The following H2BC5 variants were observed in gnomAD, a reference collection of about 807,000 sequenced individuals.
H2BC5 encodes H2B clustered histone 5, also known as histone H2B type 1-D.
In H2BC5, 9 loss-of-function variants were observed where a neutral mutation model predicts 5.7. The observed-to-expected ratio is 1.57, with a 90% CI of 0.95 to 2.74. H2BC5 has a LOEUF of 2.74. H2BC5 is among the 30% of genes most tolerant of loss of function. H2BC5 has a pLI of 0.00. For synonymous variants in H2BC5, 133 were observed against 70.9 expected, an observed-to-expected ratio of 1.88 and a Z score of -4.40; for missense variants, 175 against 168.8, an observed-to-expected ratio of 1.04 and a Z score of -0.20.
downstream of H2BC5, among the ~76,000 whole-genome samples, chr6:26,159,771 A>T (rs1764322816): frequency 6.6e-6 from 1 of 152,202 alleles, no homozygotes; most frequent in Non-Finnish European, 1.5e-5. Flanking sequence ...ATGATGGATT[A>T]TGGGATACAT....
downstream of H2BC5, among the ~76,000 whole-genome samples, chr6:26,159,428 C>T (rs989463983): frequency 1.3e-5 from 2 of 151,790 alleles, no homozygotes; most frequent in Admixed American, 6.6e-5. Flanking sequence ...GTACGGAGGA[C>T]TGGAGGAGGT....
chr6:26,158,917 C>A (rs373806592), downstream of H2BC5, among the ~76,000 whole-genome samples: 109 of 152,300 alleles, frequency 7.2e-4, no homozygotes, highest in African/African-American at 2.5e-3. Context: ...CCGCCCTGAG[C>A]ACGAAAGTGC....
chr6:26,158,229 T>G lies in H2BC5; in HGVS notation c.60T>G (p.Thr20=). 1 of 1,614,234 alleles carries G rather than the reference T, an allele frequency of 6.2e-7. No homozygotes were observed. Among genetic ancestry groups the G allele is most frequent in the Non-Finnish European group, 8.5e-7 (1 of 1,180,042 alleles). Reference sequence around the variant, plus strand: ...AGAAGGGCTCCAAGAAGGCGGTGACTAAGGCTCAGAAGAAGGACGGGAAGA... The same window carrying G: ...AGAAGGGCTCCAAGAAGGCGGTGACGAAGGCTCAGAAGAAGGACGGGAAGA... ...APKKGSKKAV[T]KAQKKDGKKR... Residue 20 remains threonine, a synonymous_variant, in exon 1 of 1, where the codon ACT becomes ACG. Coordinates refer to ENST00000377777, the MANE Select transcript of H2BC5 (RefSeq NM_021063.4).
intron 1 of H2BC5, among the ~76,000 whole-genome samples, chr6:26,166,205 G>A (rs1046214206): frequency 2.6e-5 from 4 of 152,204 alleles, no homozygotes; most frequent in African/African-American, 9.7e-5. Flanking sequence ...AGTCTTGCCT[G>A]TTACCTTGGC....
intron 1 of H2BC5, among the ~76,000 whole-genome samples, chr6:26,165,499 G>A (rs1293543516): frequency 2.0e-5 from 3 of 152,014 alleles, no homozygotes; most frequent in African/African-American, 4.8e-5. Context: ...CTGCCGTGAC[G>A]TCCTGCATCC....
intron 1 of H2BC5, among the ~76,000 whole-genome samples, chr6:26,169,842 C>G (rs1764491293): frequency 6.6e-6 from 1 of 151,578 alleles, no homozygotes; most frequent in African/African-American, 2.4e-5. Flanking sequence ...ACCTGTAGTC[C>G]TTGAGCCAAG....
chr6:26,158,176 G>C lies in H2BC5; in HGVS notation c.7G>C (p.Glu3Gln). Reference sequence around the variant, plus strand: ...TCTAACTATTAACGCTACGATGCCTGAACCTACCAAGTCTGCTCCTGCCCC... The same window carrying C: ...TCTAACTATTAACGCTACGATGCCTCAACCTACCAAGTCTGCTCCTGCCCC... MP[E>Q]PTKSAPAPKK... The change falls in exon 1 of 1, where the codon GAA becomes CAA. Residue 3 changes from glutamate to glutamine, a missense_variant. Coordinates refer to ENST00000377777, the MANE Select transcript of H2BC5 (RefSeq NM_021063.4). 1 of 1,613,760 alleles carries C rather than the reference G, an allele frequency of 6.2e-7. No individual in the cohort carries two copies. The highest frequency in any genetic ancestry group is 2.2e-5 in the East Asian group (1 of 44,884).
Position 26,158,156 on chromosome 6 carries a change from C to G in H2BC5, c.-14C>G, listed in dbSNP as rs368440522. 1.7e-4 allele frequency: 281 copies of G among 1,610,344 alleles called. No individual in the cohort carries two copies. The highest frequency in any genetic ancestry group is 2.3e-4 in the Non-Finnish European group (275 of 1,178,584). On this transcript the variant is annotated 5_prime_UTR_variant, in exon 1 of 1. Transcript: ENST00000377777. The stretch of plus-strand genomic sequence containing the variant: ...TCAGGTGTTTGCAACAGTGTTCTAA[C>G]TATTAACGCTACGATGCCTGAACCT...
chr6:26,167,439 C>G (rs887921695), intron 1 of H2BC5, among the ~76,000 whole-genome samples: 1 of 152,230 alleles, frequency 6.6e-6, no homozygotes, highest in East Asian at 1.9e-4. Context: ...AGCCCTCCCC[C>G]AGCCTAGACC....
chr6:26,158,761 T>C, downstream of H2BC5: 1 of 777,846 alleles, frequency 1.3e-6, no homozygotes, highest in Non-Finnish European at 2.0e-6. Context: ...TTGAGTGCTA[T>C]GGGTACGTAT....
At chr6:26,162,142 A>G (rs1764363481), downstream of H2BC5, among the ~76,000 whole-genome samples, 1 of 152,264 alleles carries the variant, frequency 6.6e-6, no homozygotes, top group African/African-American at 2.4e-5. Flanking sequence ...ACATATTGAC[A>G]TATGACCTCA....
rs1025896414 is a variant in H2BC5, at chr6:26,170,057, G to A, written c.*10-918G>A. 1.6e-4 allele frequency among the ~76,000 whole-genome samples: 24 copies of A among 152,290 alleles called. No individual in the cohort carries two copies. In the East Asian group the frequency reaches 4.6e-3, roughly 29 times the overall value. ...GTCATATACTTGGTGTCTCAGTTGT[G>A]TGTAATACCTGTCAAATAATAACTG... On this transcript the variant is annotated intron_variant, in intron 1 of 1. Coordinates refer to the H2BC5 transcript ENST00000289316.
intron 1 of H2BC5, chr6:26,164,099 T>C: frequency 2.2e-6 from 1 of 452,804 alleles, no homozygotes; most frequent in East Asian, 5.8e-5. Flanking sequence ...CCTCAGCAAA[T>C]TCCAAAGTCT....
exon 2 of H2BC5, chr6:26,171,163 G>A (rs1298872676): frequency 2.0e-5 from 3 of 152,170 alleles, no homozygotes; most frequent in African/African-American, 7.2e-5. Context: ...AACTAAAGGT[G>A]TTTGCACTTC....
chr6:26,161,787 T>G (rs544795665), downstream of H2BC5, among the ~76,000 whole-genome samples: 1 of 151,916 alleles, frequency 6.6e-6, no homozygotes, highest in Admixed American at 6.6e-5. Context: ...AATAAATAAA[T>G]AAATGAAAAG....
rs140184909 is a variant in H2BC5 at position 26,158,184 on chromosome 6, C to G, written c.15C>G (p.Thr5=). 4 of 1,613,974 alleles carry G rather than the reference C, an allele frequency of 2.5e-6. No homozygotes were observed. The highest frequency in any genetic ancestry group is 3.4e-6 in the Non-Finnish European group (4 of 1,179,950). The part of the protein sequence containing the change: MPEP[T]KSAPAPKKGS... ...TTAACGCTACGATGCCTGAACCTAC[C>G]AAGTCTGCTCCTGCCCCAAAGAAGG... The change falls in exon 1 of 1, where the codon ACC becomes ACG. Residue 5 remains threonine (T), a synonymous_variant. Coordinates refer to ENST00000377777, the MANE Select transcript of H2BC5 (RefSeq NM_021063.4).
intron 1 of H2BC5, among the ~76,000 whole-genome samples, chr6:26,165,990 G>A (rs1325101975): frequency 1.3e-5 from 2 of 152,188 alleles, no homozygotes; most frequent in Non-Finnish European, 2.9e-5. Flanking sequence ...AGCTAGGGAG[G>A]GTGATGAAGG....
At chr6:26,158,675 C>G, downstream of H2BC5, 1 of 1,395,276 alleles carries the variant, frequency 7.2e-7, no homozygotes, top group Non-Finnish European at 9.7e-7. Flanking sequence ...CACCACAGTA[C>G]CAATCTTTAA....
chr6:26,159,445 G>A (rs913903239), downstream of H2BC5, among the ~76,000 whole-genome samples: 2 of 151,848 alleles, frequency 1.3e-5, no homozygotes, highest in African/African-American at 4.8e-5. Context: ...AGGTAGAAAG[G>A]GAAAGAAAAC....
Sources: gnomAD v4.1 joint callset for allele counts (sites outside exome capture counted in the v4.1 genomes callset) on GRCh38, gnomAD v4.1.1 for gene constraint, MANE v1.5 for transcripts, NCBI Gene and HGNC (gene_info 2026-07-23, HGNC 2026-07-21) for gene names.